The following MAPKAP1 variants were observed in gnomAD, a reference collection of about 807,000 sequenced individuals.
The protein encoded by MAPKAP1 is target of rapamycin complex 2 subunit MAPKAP1.
A neutral mutation model predicts 65.7 loss-of-function variants in MAPKAP1; 20 were observed. That is an observed-to-expected ratio of 0.30 (90% confidence interval 0.21 to 0.44). The LOEUF (loss-of-function observed/expected upper bound fraction) is 0.44. MAPKAP1 is among the 20% of genes least tolerant of loss of function. The pLI, the probability that MAPKAP1 is intolerant of heterozygous loss-of-function variation, is 1.00. For missense variants in MAPKAP1, 423 were observed against 648.0 expected, an observed-to-expected ratio of 0.65 and a Z score of 3.77; for synonymous variants, 222 against 244.3, an observed-to-expected ratio of 0.91 and a Z score of 0.85.
intron 1 of MAPKAP1, among the ~76,000 whole-genome samples, chr9:125,680,953 G>GT (rs1417543191): frequency 6.6e-6 from 1 of 152,218 alleles, no homozygotes; most frequent in African/African-American, 2.4e-5. Flanking sequence ...AAGTGAAACA[G>GT]TAACAGTTGA....
chr9:125,463,172 C>A (rs769865637), intron 10 of MAPKAP1, among the ~76,000 whole-genome samples: 4 of 152,222 alleles, frequency 2.6e-5, no homozygotes, highest in Admixed American at 2.6e-4. Flanking sequence ...CCTATTACCG[C>A]GTTAACATTC....
intron 4 of MAPKAP1, among the ~76,000 whole-genome samples, chr9:125,597,044 C>T (rs1193630463): frequency 1.2e-4 from 18 of 149,986 alleles, no homozygotes; most frequent in Non-Finnish European, 2.5e-4. Context: ...GGGCAGATCA[C>T]GAGGTCAGGA....
chr9:125,587,520 C>T (rs1345989188), intron 4 of MAPKAP1, among the ~76,000 whole-genome samples: 2 of 152,164 alleles, frequency 1.3e-5, no homozygotes, highest in African/African-American at 4.8e-5. Flanking sequence ...GAGCCAACAT[C>T]ATGCCACTGC....
intron 1 of MAPKAP1, among the ~76,000 whole-genome samples, chr9:125,689,265 A>G (rs949758380): frequency 1.1e-4 from 16 of 151,314 alleles, no homozygotes; most frequent in African/African-American, 3.4e-4. Flanking sequence ...GTGAAACCCC[A>G]CCTCTACTAA....
At chr9:125,677,076 C>T (rs755426023) in intron 1 of MAPKAP1, among the ~76,000 whole-genome samples, 8 of 152,190 alleles carry the variant, frequency 5.3e-5, no homozygotes, top group Non-Finnish European at 8.8e-5. Context: ...TACACTTTCA[C>T]AAATGCTGTC....
intron 1 of MAPKAP1, among the ~76,000 whole-genome samples, chr9:125,681,801 C>T (rs1337975058): frequency 3.3e-5 from 5 of 152,238 alleles, no homozygotes; most frequent in Admixed American, 6.5e-5. Context: ...GATAGCGTCT[C>T]GCTCTGTCAC....
chr9:125,704,020 C>T lies in MAPKAP1; in HGVS notation c.-70+2951G>A, dbSNP rs144289943. ...TTAAAGTAACAGATAAGGCTATGAG[C>T]TCCTTTAGTGCAAAGGCCACTTCCA... is the stretch of plus-strand genomic sequence containing the variant. On this transcript the variant is annotated intron_variant, in intron 1 of 11. Transcript: ENST00000265960. 1.8e-3 allele frequency among the ~76,000 whole-genome samples: 280 copies of T among 152,306 alleles called. 2 individuals are homozygous for T. The highest frequency in any genetic ancestry group is 3.1e-3 in the Admixed American group (47 of 15,296).
chr9:125,661,553 T>A (rs1423208643), intron 3 of MAPKAP1, among the ~76,000 whole-genome samples: 13 of 152,252 alleles, frequency 8.5e-5, no homozygotes, highest in Non-Finnish European at 2.9e-5. Context: ...ATAAAAAAAG[T>A]ATTGTACAAA....
intron 10 of MAPKAP1, among the ~76,000 whole-genome samples, chr9:125,461,310 C>T (rs182553008): frequency 7.9e-5 from 12 of 152,328 alleles, no homozygotes; most frequent in Admixed American, 1.3e-4. Context: ...CCCATCTCCC[C>T]GGCACTCCCT....
chr9:125,558,697 A>G (rs1170176259), intron 6 of MAPKAP1, among the ~76,000 whole-genome samples: 1 of 152,226 alleles, frequency 6.6e-6, no homozygotes, highest in Non-Finnish European at 1.5e-5. Context: ...CCTAGGTTGA[A>G]AAAAAGCTTA....
intron 1 of MAPKAP1, chr9:125,696,422 CAA>C: frequency 7.4e-6 from 1 of 135,332 alleles, no homozygotes; most frequent in Non-Finnish European, 1.6e-5. Context: ...GAAAAAAAAA[CAA>C]AAAAAAAACA....
At position 125,652,625 on chromosome 9, in the gene MAPKAP1, T is replaced by C. The variant is rs72769133; in HGVS notation, c.498+5026A>G. Among the ~76,000 whole-genome samples, 592 of 152,342 alleles carry C rather than the reference T, an allele frequency of 3.9e-3. 3 individuals are homozygous for C. The highest frequency in any genetic ancestry group is 6.5e-3 in the Non-Finnish European group (444 of 68,034). Reference sequence around the variant, plus strand: ...AGAACTGGTTTGCTCTTTCAAGCACTTGTCAAGTCAAACATTCCCCTTATA... The same window carrying C: ...AGAACTGGTTTGCTCTTTCAAGCACCTGTCAAGTCAAACATTCCCCTTATA... On this transcript the variant is annotated intron_variant, in intron 4 of 11. Transcript: ENST00000265960.
At position 125,689,434 on chromosome 9, in the gene MAPKAP1, C is replaced by G. The variant is rs111378675; in HGVS notation, c.-69-16791G>C. On this transcript the variant is annotated intron_variant, in intron 1 of 11. Coordinates refer to ENST00000265960, the MANE Select transcript of MAPKAP1 (RefSeq NM_001006617.3). ...TGGGCGACAGAGTGAGACTCCATCT[C>G]GGAAAAAAAAAAAAAAAAAAAAAAA... Among the ~76,000 whole-genome samples, 178 of 61,642 alleles carry G rather than the reference C, an allele frequency of 2.9e-3. 2 individuals carry two copies. Among genetic ancestry groups the G allele is most frequent in the African/African-American group, 8.6e-3 (166 of 19,352 alleles). 40.4% of individuals were successfully genotyped at this position (61,642 alleles called of 152,430 possible).
At position 125,493,132 on chromosome 9, in the gene MAPKAP1, GC is replaced by G. The variant is rs1292477572; in HGVS notation, c.1067-8550del. Among the ~76,000 whole-genome samples the G allele has an allele frequency of 2.6e-5, 4 of 152,330 alleles. No homozygotes were observed. In the East Asian group the frequency reaches 7.7e-4, roughly 29 times the overall value. The stretch of plus-strand genomic sequence containing the variant: ...TTCTTCAAAAGTGGAGCAGTATCTA[GC>G]TCAGCACCTGGCACACAATTAAGTA... On this transcript the variant is annotated intron_variant, in intron 8 of 11. Coordinates refer to ENST00000265960, the MANE Select transcript of MAPKAP1 (RefSeq NM_001006617.3).
intron 7 of MAPKAP1, among the ~76,000 whole-genome samples, chr9:125,533,967 G>A (rs1225329889): frequency 6.6e-6 from 1 of 152,306 alleles, no homozygotes; most frequent in East Asian, 1.9e-4. Context: ...AAGATAAAAT[G>A]TGTGGTCACT....
chr9:125,576,852 G>A lies in MAPKAP1; in HGVS notation c.671+8703C>T, dbSNP rs1187593299. On this transcript the variant is annotated intron_variant, in intron 5 of 11. Coordinates refer to ENST00000265960, the MANE Select transcript of MAPKAP1 (RefSeq NM_001006617.3). The stretch of plus-strand genomic sequence containing the variant: ...GGTGCCCAGGCTGGAGTGCAGTGGC[G>A]TGATCTCGGCTCGTTACAACCTCCA... Among the ~76,000 whole-genome samples the A allele has an allele frequency of 1.3e-4, 19 of 151,966 alleles. No individual in the cohort carries two copies. In the South Asian group the frequency reaches 1.5e-3, roughly 12 times the overall value.
At chr9:125,662,667 A>T (rs1363927009) in intron 3 of MAPKAP1, among the ~76,000 whole-genome samples, 3 of 152,228 alleles carry the variant, frequency 2.0e-5, no homozygotes. Flanking sequence ...TGGGCGACAG[A>T]GCAAGACTCC....
rs1301595656 is a variant in MAPKAP1, at chr9:125,692,404, C to T, written c.-70+14567G>A. 3.3e-5 allele frequency among the ~76,000 whole-genome samples: 5 copies of T among 152,274 alleles called. No individual in the cohort carries two copies. In the East Asian group the frequency reaches 9.6e-4, roughly 29 times the overall value. ...AAAATTATTACATTATATCAAAGGC[C>T]ACAAACTGTCAATTCTTTGTATATG... On this transcript the variant is annotated intron_variant, in intron 1 of 11. Transcript: ENST00000265960.
At chr9:125,691,123 T>C (rs535515806) in intron 1 of MAPKAP1, among the ~76,000 whole-genome samples, 4 of 152,008 alleles carry the variant, frequency 2.6e-5, no homozygotes, top group African/African-American at 9.7e-5. Context: ...TAGCCGGGCG[T>C]GGTGGCGGGC....
Sources: gnomAD v4.1 joint callset for allele counts (sites outside exome capture counted in the v4.1 genomes callset) on GRCh38, gnomAD v4.1.1 for gene constraint, MANE v1.5 for transcripts, NCBI Gene and HGNC (gene_info 2026-07-23, HGNC 2026-07-21) for gene names.